LRP2: variants seen among roughly 807,000 people sequenced by gnomAD.
The protein encoded by LRP2 is LDL receptor related protein 2, also known as low-density lipoprotein receptor-related protein 2.
A neutral mutation model predicts 531.0 loss-of-function variants in LRP2; 172 were observed. The observed-to-expected ratio is 0.32, with a 90% CI of 0.29 to 0.37. The LOEUF is 0.37. Ranked by LOEUF, LRP2 falls within the 10% of genes least tolerant of loss-of-function variation. The pLI is 1.00. For missense variants in LRP2, 5,167 were observed against 5,868.3 expected (o/e 0.88, Z 3.90); for synonymous variants, 1,992 against 2,027.6 (o/e 0.98, Z 0.47).
At position 169,354,212 on chromosome 2, in the gene LRP2, C is replaced by T. The variant is rs569256766; in HGVS notation, c.79+8109G>A. Among the ~76,000 whole-genome samples the T allele has an allele frequency of 3.3e-5, 5 of 152,250 alleles. No homozygotes were observed. In the South Asian group the frequency reaches 1.0e-3, roughly 32 times the overall value. On this transcript the variant is annotated intron_variant, in intron 1 of 78. Transcript: ENST00000649046. The stretch of plus-strand genomic sequence containing the variant: ...TTTCCTTTTCGTCTTTTTCAGGTTT[C>T]CTCAACACCTTCAAAAGTACACATG...
intron 35 of LRP2, 113 bp downstream of exon 35, chr2:169,216,140 G>T: frequency 2.6e-6 from 3 of 1,147,724 alleles, no homozygotes; most frequent in South Asian, 1.3e-5. Context: ...TGAAACACTG[G>T]TACAAGTTAC....
chr2:169,148,974 C>A (rs1123904), intron 68 of LRP2, among the ~76,000 whole-genome samples: 69,656 of 151,614 alleles, frequency 0.46, 16,603 homozygotes, highest in Admixed American at 0.59. Flanking sequence ...CAGTTCAGTG[C>A]TACTTTCTCC....
chr2:169,342,466 G>A (rs576171748), intron 1 of LRP2, among the ~76,000 whole-genome samples: 89 of 152,204 alleles, frequency 5.8e-4, no homozygotes, highest in African/African-American at 2.0e-3. Context: ...TAGTTCATCT[G>A]CTTTCTCTCA....
intron 1 of LRP2, among the ~76,000 whole-genome samples, chr2:169,336,536 T>TAA (rs1685409213): frequency 6.8e-6 from 1 of 145,998 alleles, no homozygotes; most frequent in Non-Finnish European, 1.5e-5. Context: ...CAAGACTCCA[T>TAA]CACACACACA....
At chr2:169,340,280 CA>C (rs1685529814) in intron 1 of LRP2, among the ~76,000 whole-genome samples, 1 of 152,044 alleles carries the variant, frequency 6.6e-6, no homozygotes, top group South Asian at 2.1e-4. Context: ...ATGCCTCTCC[CA>C]AAATGTGGTA....
At chr2:169,169,556 A>G in intron 60 of LRP2, 146 bp downstream of exon 60, 1 of 744,436 alleles carries the variant, frequency 1.3e-6, no homozygotes, top group Non-Finnish European at 2.5e-6. Flanking sequence ...ATGACTTAGA[A>G]CTCAGGTGAA....
At chr2:169,306,081 A>G (rs534816279) in intron 4 of LRP2, among the ~76,000 whole-genome samples, 80 of 152,246 alleles carry the variant, frequency 5.3e-4, no homozygotes, top group African/African-American at 1.9e-3. Flanking sequence ...ACACATGACT[A>G]TATCTTTATA....
At chr2:169,291,806 A>G (rs901688932) in intron 7 of LRP2, among the ~76,000 whole-genome samples, 3 of 152,178 alleles carry the variant, frequency 2.0e-5, no homozygotes, top group Admixed American at 6.5e-5. Context: ...AACCAAAACA[A>G]AAAAATAAGC....
At position 169,181,323 on chromosome 2, in the gene LRP2, C is replaced by T. The variant is rs1162469187; in HGVS notation, c.10169+125G>A. ...GCAGTTTTAGTTAGAAGTGTGACTT[C>T]CCCCGAATGACTTCCAACAGACAGG... On this transcript the variant is annotated intron_variant, in intron 52 of 78. Coordinates refer to ENST00000649046, the MANE Select transcript of LRP2 (RefSeq NM_004525.3). The T allele has an allele frequency of 1.0e-5, 9 of 883,436 alleles. No individual in the cohort carries two copies. The Admixed American group carries it at 1.4e-4, about 14-fold the overall frequency. The allele number at this position is 883,436 out of a possible 1,614,324, so 54.7% of individuals were successfully genotyped here.
At chr2:169,202,022 C>T in intron 43 of LRP2, 152 bp from the exon 44 acceptor site, 1 of 926,576 alleles carries the variant, frequency 1.1e-6, no homozygotes, top group South Asian at 1.6e-5. Context: ...TGAGATAACA[C>T]TTTTAATTAG....
intron 41 of LRP2, among the ~76,000 whole-genome samples, chr2:169,204,985 G>A (rs1212658595): frequency 6.6e-6 from 1 of 151,354 alleles, no homozygotes; most frequent in African/African-American, 2.4e-5. Context: ...AGAGAAGAAA[G>A]GGTCTATTTG....
intron 1 of LRP2, among the ~76,000 whole-genome samples, chr2:169,323,473 G>T (rs1036796582): frequency 6.4e-4 from 98 of 152,162 alleles, no homozygotes; most frequent in African/African-American, 2.4e-3. Context: ...AAAAGGTCTA[G>T]ATTAGGTCTA....
chr2:169,186,003 A>T lies in LRP2; in HGVS notation c.9345T>A (p.His3115Gln). The T allele has an allele frequency of 6.2e-7, 1 of 1,613,704 alleles. No homozygotes were observed. Among genetic ancestry groups the T allele is most frequent in the Non-Finnish European group, 8.5e-7 (1 of 1,179,918 alleles). ...DEKGCGINEC[H>Q]DPSISGCDHN... ...GATCGCAGCCACTGATTGAAGGGTC[A>T]TGGCATTCATTAATGCCTGTAGGTA... Residue 3115 changes from histidine to glutamine, a missense_variant, in exon 50 of 79, where the codon CAT becomes CAA. By Grantham distance (24) the His-to-Gln change is conservative. Coordinates refer to ENST00000649046, the MANE Select transcript of LRP2 (RefSeq NM_004525.3).
intron 50 of LRP2, chr2:169,182,529 A>G: frequency 4.9e-6 from 7 of 1,430,914 alleles, no homozygotes; most frequent in Non-Finnish European, 6.4e-6. Flanking sequence ...AATAATTCCC[A>G]CTTTAAGGTG....
At chr2:169,305,152 G>GGA (rs1043517438) in intron 4 of LRP2, among the ~76,000 whole-genome samples, 1 of 152,166 alleles carries the variant, frequency 6.6e-6, no homozygotes, top group Non-Finnish European at 1.5e-5. Flanking sequence ...GCTAGGAAAT[G>GGA]GAGAGACAAT....
chr2:169,324,434 T>C (rs770220460), intron 1 of LRP2, among the ~76,000 whole-genome samples: 4 of 152,200 alleles, frequency 2.6e-5, no homozygotes, highest in Non-Finnish European at 5.9e-5. Context: ...CCATAGTGCT[T>C]ATATACTTCA....
intron 37 of LRP2, among the ~76,000 whole-genome samples, chr2:169,209,854 T>A (rs1688532265): frequency 6.6e-6 from 1 of 152,026 alleles, no homozygotes; most frequent in South Asian, 2.1e-4. Context: ...CCGGGAGAAA[T>A]GTTGATTATA....
intron 4 of LRP2, among the ~76,000 whole-genome samples, chr2:169,305,570 A>G (rs550301505): frequency 6.6e-6 from 1 of 152,370 alleles, no homozygotes; most frequent in South Asian, 2.1e-4. Flanking sequence ...TAAAACTTGA[A>G]TCTTCCGTTG....
intron 16 of LRP2, among the ~76,000 whole-genome samples, chr2:169,264,244 TAATA>T (rs954283286): frequency 2.6e-5 from 4 of 151,646 alleles, no homozygotes; most frequent in African/African-American, 7.3e-5. Context: ...TAAAGTATAA[TAATA>T]AATAAATAAA....
Sources: allele counts gnomAD v4.1 joint callset (sites outside exome capture counted in the v4.1 genomes callset), GRCh38; gene constraint gnomAD v4.1.1; transcripts MANE v1.5; gene names NCBI Gene and HGNC (gene_info 2026-07-23, HGNC 2026-07-21).